The following GALNT13 variants were observed in gnomAD, a reference collection of about 807,000 sequenced individuals.
GALNT13 encodes UDP-GalNAc:polypeptide N-acetylgalactosaminyltransferase 13.
A neutral mutation model predicts 64.2 loss-of-function variants in GALNT13; 28 were observed. The ratio of observed to expected loss-of-function variants is 0.44; its 90% CI spans 0.32 to 0.60. The LOEUF (loss-of-function observed/expected upper bound fraction) is 0.60. Among genes scored for constraint, GALNT13 ranks in the 20% least tolerant of loss-of-function variants. GALNT13 has a pLI of 0.05. For missense variants in GALNT13, 577 were observed against 669.8 expected, an observed-to-expected ratio of 0.86 and a Z score of 1.53; for synonymous variants, 214 against 224.6, an observed-to-expected ratio of 0.95 and a Z score of 0.42.
chr2:153,519,043 G>T, the GALNT13 span, among the ~76,000 whole-genome samples: 5 of 152,162 alleles, frequency 3.3e-5, no homozygotes, highest in African/African-American at 9.6e-5. Flanking sequence ...ATGTTAAATT[G>T]TTGCTAAGCC....
chr2:153,551,107 T>C, the GALNT13 span, among the ~76,000 whole-genome samples: 1 of 152,218 alleles, frequency 6.6e-6, no homozygotes, highest in African/African-American at 2.4e-5. Flanking sequence ...TATTGCCCTT[T>C]AAAGCTGTCC....
chr2:153,888,746 A>G (rs191938734), intron 1 of GALNT13, among the ~76,000 whole-genome samples: 61 of 152,116 alleles, frequency 4.0e-4, no homozygotes, highest in African/African-American at 4.8e-5. Flanking sequence ...ACCATTTTCA[A>G]CCAAGGTTAC....
chr2:153,352,339 T>C, the GALNT13 span, among the ~76,000 whole-genome samples: 136 of 152,282 alleles, frequency 8.9e-4, 1 homozygote, highest in African/African-American at 3.1e-3. Context: ...AAAAGTTCTT[T>C]GTATATTTTG....
intron 10 of GALNT13, 53 bp downstream of exon 10, chr2:154,396,183 A>G: frequency 8.1e-7 from 1 of 1,228,170 alleles, no homozygotes; most frequent in Non-Finnish European, 1.1e-6. Context: ...AAATGGAGCA[A>G]TTTCTAAGGA....
the GALNT13 span, among the ~76,000 whole-genome samples, chr2:153,629,101 C>A: frequency 6.6e-6 from 1 of 152,102 alleles, no homozygotes; most frequent in African/African-American, 2.4e-5. Context: ...AGGAATTTAT[C>A]CATTTCTTCT....
chr2:153,264,245 T>G, the GALNT13 span, among the ~76,000 whole-genome samples: 1 of 152,206 alleles, frequency 6.6e-6, no homozygotes, highest in Admixed American at 6.5e-5. Context: ...AGATACTACC[T>G]TATGCCAGTT....
chr2:153,147,116 G>C, the GALNT13 span, among the ~76,000 whole-genome samples: 1 of 151,404 alleles, frequency 6.6e-6, no homozygotes, highest in Non-Finnish European at 1.5e-5. Context: ...TTCCCAGCAC[G>C]TGCAGCTAAA....
chr2:153,534,011 T>A, the GALNT13 span, among the ~76,000 whole-genome samples: 3 of 152,090 alleles, frequency 2.0e-5, no homozygotes, highest in Non-Finnish European at 4.4e-5. Flanking sequence ...AGAGCTGGGA[T>A]TACAGGCGTG....
chr2:153,607,418 C>T, the GALNT13 span, among the ~76,000 whole-genome samples: 1 of 152,026 alleles, frequency 6.6e-6, no homozygotes, highest in Non-Finnish European at 1.5e-5. Context: ...AATATGTTAT[C>T]AGAGAAAATC....
the GALNT13 span, among the ~76,000 whole-genome samples, chr2:153,406,812 A>G: frequency 2.4e-3 from 365 of 152,328 alleles, 3 homozygotes; most frequent in African/African-American, 8.0e-3. Context: ...GTACCAAAAT[A>G]TATCTGGTAA....
chr2:153,086,810 G>A, the GALNT13 span, among the ~76,000 whole-genome samples: 470 of 151,980 alleles, frequency 3.1e-3, 1 homozygote, highest in African/African-American at 0.011. Flanking sequence ...TAGCAGTGCT[G>A]CTGACTTGTG....
At chr2:154,364,732 C>T (rs997238921) in intron 9 of GALNT13, among the ~76,000 whole-genome samples, 6 of 152,106 alleles carry the variant, frequency 3.9e-5, no homozygotes, top group Non-Finnish European at 8.8e-5. Flanking sequence ...AATGCGATGG[C>T]GCGATCTTGG....
chr2:154,060,621 T>TGCTG (rs1434718659), intron 3 of GALNT13, among the ~76,000 whole-genome samples: 1 of 152,114 alleles, frequency 6.6e-6, no homozygotes, highest in African/African-American at 2.4e-5. Flanking sequence ...GCTCCCAAAG[T>TGCTG]GCTGGGACCA....
chr2:153,507,847 T>G, the GALNT13 span, among the ~76,000 whole-genome samples: 3 of 152,280 alleles, frequency 2.0e-5, no homozygotes, highest in African/African-American at 7.2e-5. Context: ...TAGATTATTT[T>G]GTCCCACATG....
At chr2:153,101,213 T>C in the GALNT13 span, among the ~76,000 whole-genome samples, 2 of 152,194 alleles carry the variant, frequency 1.3e-5, no homozygotes, top group Non-Finnish European at 2.9e-5. Flanking sequence ...GTGAATCTTA[T>C]ATTGGTGAAT....
the GALNT13 span, among the ~76,000 whole-genome samples, chr2:153,627,810 C>T: frequency 6.6e-6 from 1 of 152,046 alleles, no homozygotes; most frequent in South Asian, 2.1e-4. Context: ...GTTCTTTTGG[C>T]TTGGGATTGA....
chr2:154,086,280 C>T (rs1037816708), intron 3 of GALNT13, among the ~76,000 whole-genome samples: 1 of 147,152 alleles, frequency 6.8e-6, no homozygotes, highest in African/African-American at 2.5e-5. Flanking sequence ...GTCCTCCTTC[C>T]CCACACTTAC....
intron 3 of GALNT13, among the ~76,000 whole-genome samples, chr2:154,060,731 A>T (rs1700135772): frequency 1.3e-5 from 2 of 152,070 alleles, no homozygotes; most frequent in Non-Finnish European, 2.9e-5. Context: ...TGGGTAGAGG[A>T]ACAAATCCTG....
At chr2:153,672,065 A>G in the GALNT13 span, among the ~76,000 whole-genome samples, 1 of 152,288 alleles carries the variant, frequency 6.6e-6, no homozygotes, top group South Asian at 2.1e-4. Context: ...GTTCTTAGAG[A>G]CCTACAAAAA....
Sources: gnomAD v4.1 joint callset for allele counts (sites outside exome capture counted in the v4.1 genomes callset) on GRCh38, gnomAD v4.1.1 for gene constraint, MANE v1.5 for transcripts, NCBI Gene and HGNC (gene_info 2026-07-23, HGNC 2026-07-21) for gene names.